Variants in PLXDC1 observed in about 807,000 individuals in gnomAD.
PLXDC1 encodes plexin domain containing 1, also known as plexin domain-containing protein 1.
A neutral mutation model predicts 61.3 loss-of-function variants in PLXDC1; 39 were observed. The ratio of observed to expected loss-of-function variants is 0.64; its 90% confidence interval spans 0.49 to 0.83. PLXDC1 has a LOEUF of 0.83. PLXDC1 is among the 40% of genes least tolerant of loss of function. The probability of loss-of-function intolerance (pLI) is 0.00; values close to 1 mark genes in which losing one functional copy is unlikely to be tolerated. For synonymous variants in PLXDC1, 212 were observed against 254.5 expected (o/e 0.83, Z 1.59); for missense variants, 596 against 666.5 (o/e 0.89, Z 1.17).
chr17:39,123,851 A>G (rs1326564111), intron 2 of PLXDC1, among the ~76,000 whole-genome samples: 3 of 152,140 alleles, frequency 2.0e-5, no homozygotes, highest in Admixed American at 6.5e-5. Flanking sequence ...CTGCCAGCCA[A>G]CTGGCAGGAG....
intron 2 of PLXDC1, among the ~76,000 whole-genome samples, chr17:39,123,340 G>A (rs1911222896): frequency 1.3e-5 from 2 of 152,174 alleles, no homozygotes; most frequent in African/African-American, 4.8e-5. Context: ...ACAGATGTGA[G>A]CCACCACACC....
intron 2 of PLXDC1, among the ~76,000 whole-genome samples, chr17:39,110,801 C>T (rs568337308): frequency 3.2e-4 from 49 of 152,220 alleles, no homozygotes; most frequent in Non-Finnish European, 4.4e-4. Context: ...TCTGCTCTTA[C>T]GATAAGCGAC....
upstream of PLXDC1, chr17:39,152,449 C>T (rs1156423098): frequency 9.3e-7 from 1 of 1,071,068 alleles, no homozygotes; most frequent in South Asian, 4.7e-5. Flanking sequence ...ATTTTTTCTT[C>T]CAGGACAGAA....
intron 2 of PLXDC1, among the ~76,000 whole-genome samples, chr17:39,120,259 C>A (rs941589859): frequency 6.6e-6 from 1 of 152,152 alleles, no homozygotes; most frequent in African/African-American, 2.4e-5. Flanking sequence ...TCAAGCGACT[C>A]TCCTGCCTCA....
intron 2 of PLXDC1, among the ~76,000 whole-genome samples, chr17:39,121,680 T>C (rs1911163833): frequency 6.6e-6 from 1 of 152,174 alleles, no homozygotes; most frequent in African/African-American, 2.4e-5. Context: ...TCCTTCTTCC[T>C]TGAGTTGCAG....
chr17:39,075,906 A>G (rs1047932282), intron 11 of PLXDC1, among the ~76,000 whole-genome samples: 1 of 152,118 alleles, frequency 6.6e-6, no homozygotes, highest in East Asian at 1.9e-4. Context: ...GGCAAAACCC[A>G]GTCTCTACTA....
At chr17:39,134,833 A>G in intron 2 of PLXDC1, among the ~76,000 whole-genome samples, 1 of 151,968 alleles carries the variant, frequency 6.6e-6, no homozygotes. Context: ...GGGGAGCACA[A>G]GCCCCTCAAT....
At chr17:39,070,151 G>A in intron 12 of PLXDC1, 135 bp from the exon 13 acceptor site, 1 of 589,118 alleles carries the variant, frequency 1.7e-6, no homozygotes, top group Non-Finnish European at 3.0e-6. Context: ...AATACAGGAA[G>A]AGGTTGGGTG....
At chr17:39,079,888 C>G (rs1052992083) in intron 9 of PLXDC1, 1 of 267,592 alleles carries the variant, frequency 3.7e-6, no homozygotes, top group African/African-American at 2.2e-5. Context: ...AGAAGGAATT[C>G]TCAGCAGGTT....
intron 10 of PLXDC1, among the ~76,000 whole-genome samples, chr17:39,078,312 G>A (rs1218772358): frequency 1.3e-5 from 2 of 152,174 alleles, no homozygotes; most frequent in African/African-American, 4.8e-5. Context: ...TGGCCACAGG[G>A]TCTGGAGAGT....
chr17:39,151,684 G>A (rs1345975332), upstream of PLXDC1: 1 of 165,704 alleles, frequency 6.0e-6, no homozygotes, highest in Non-Finnish European at 1.3e-5. This position sits in a 1 kb window ranked among gnomAD's most constrained non-coding sequence, Gnocchi z 5.2. Context: ...GTGGGGGGGA[G>A]CTGGGGCAGG....
At chr17:39,094,256 C>T (rs1480071692) in intron 7 of PLXDC1, among the ~76,000 whole-genome samples, 1 of 152,086 alleles carries the variant, frequency 6.6e-6, no homozygotes, top group Non-Finnish European at 1.5e-5. Flanking sequence ...CACACCATCC[C>T]CACTCATTAC....
At position 39,108,244 on chromosome 17, in the gene PLXDC1, G is replaced by T. The variant is rs1209325082; in HGVS notation, c.471C>A (p.Gly157=). 1.2e-6 allele frequency: 2 copies of T among 1,613,874 alleles called. No homozygotes were observed. Among genetic ancestry groups the T allele is most frequent in the South Asian group, 2.2e-5 (2 of 91,064 alleles). The change falls in exon 5 of 14, where the codon GGC becomes GGA. Residue 157 remains glycine, a splice_region_variant and synonymous_variant. Transcript: ENST00000315392. ...PLRQITIATG[G]FIFMGDVIHR... Reference sequence around the variant, plus strand: ...GGATCACGTCCCCCATGAAGATGAAGCCTAGGGTGGGAGAGGTGCAGAGGA... The same window carrying T: ...GGATCACGTCCCCCATGAAGATGAATCCTAGGGTGGGAGAGGTGCAGAGGA...
chr17:39,152,478 A>T (rs1474174517), upstream of PLXDC1: 16 of 1,149,084 alleles, frequency 1.4e-5, no homozygotes, highest in Middle Eastern at 4.2e-4. Context: ...CCCGCAATGT[A>T]GGATATTTAA....
At chr17:39,150,994 C>G (rs886140939) in intron 1 of PLXDC1, among the ~76,000 whole-genome samples, 2 of 152,098 alleles carry the variant, frequency 1.3e-5, no homozygotes, top group Non-Finnish European at 2.9e-5. Flanking sequence ...GCAGGGGCCT[C>G]CCCAGGCTCC....
Position 39,066,436 on chromosome 17 carries a change from C to T in PLXDC1, c.*1404G>A, listed in dbSNP as rs1261985347. 4 of 152,230 alleles carry T rather than the reference C, an allele frequency of 2.6e-5. No homozygotes were observed. 9.4% of individuals were successfully genotyped at this position (152,230 alleles called of 1,614,324 possible). ...GTTTCCCCCTTGAGTTCTTTTCTCT[C>T]CTCTTATTTGACTTCCCTCCCATGA... On this transcript the variant is annotated 3_prime_UTR_variant, in exon 14 of 14. Transcript: ENST00000315392.
At chr17:39,110,881 C>T (rs911822342) in intron 2 of PLXDC1, among the ~76,000 whole-genome samples, 11 of 152,046 alleles carry the variant, frequency 7.2e-5, no homozygotes, top group African/African-American at 1.7e-4. Flanking sequence ...TGGTTGGTGT[C>T]GGGGGCTATT....
intron 2 of PLXDC1, among the ~76,000 whole-genome samples, chr17:39,118,550 C>T (rs776128459): frequency 1.3e-5 from 2 of 152,056 alleles, no homozygotes; most frequent in Non-Finnish European, 2.9e-5. Context: ...TGTATGGAGC[C>T]CTGCTAACTA....
Position 39,151,527 on chromosome 17 carries a change from C to A in PLXDC1, c.-90G>T. The A allele has an allele frequency of 8.2e-7, 1 of 1,221,676 alleles. No homozygotes were observed. The highest frequency in any genetic ancestry group is 1.6e-5 in the African/African-American group (1 of 63,908). The allele number at this position is 1,221,676 out of a possible 1,614,324, so 75.7% of individuals were successfully genotyped here. On this transcript the variant is annotated 5_prime_UTR_variant, in exon 1 of 14. Transcript: ENST00000315392. This position sits in a 1 kb window ranked among gnomAD's most constrained non-coding sequence, Gnocchi z 5.2. Reference sequence around the variant, plus strand: ...GGCTCAGGCTGCGGCCGCGCGGTCCCCGGGGCTGGCGGAGGGGCGGGCGGC... The same window carrying A: ...GGCTCAGGCTGCGGCCGCGCGGTCCACGGGGCTGGCGGAGGGGCGGGCGGC...
Sources: allele counts gnomAD v4.1 joint callset (sites outside exome capture counted in the v4.1 genomes callset), GRCh38; gene constraint gnomAD v4.1.1; non-coding constraint Gnocchi (gnomAD v3.1); transcripts MANE v1.5; gene names NCBI Gene and HGNC (gene_info 2026-07-23, HGNC 2026-07-21).